Variants in CDC42SE2 observed in about 807,000 individuals in gnomAD.
The protein encoded by CDC42SE2 is CDC42 small effector 2.
A neutral mutation model predicts 11.5 loss-of-function variants in CDC42SE2; 3 were observed. The observed-to-expected ratio is 0.26, with a 90% CI of 0.12 to 0.67. The LOEUF (loss-of-function observed/expected upper bound fraction) is 0.67, where lower values mean the gene tolerates loss of function less well. CDC42SE2 is among the 30% of genes least tolerant of loss of function. CDC42SE2 has a pLI of 0.80. For synonymous variants in CDC42SE2, 33 were observed against 34.8 expected (o/e 0.95, Z 0.18); for missense variants, 82 against 106.8 (o/e 0.77, Z 1.02).
At chr5:131,224,075 C>T in the CDC42SE2 span, among the ~76,000 whole-genome samples, 2 of 152,166 alleles carry the variant, frequency 1.3e-5, no homozygotes, top group Non-Finnish European at 2.9e-5. Context: ...CTGATTTGGC[C>T]TTTACTGTCT....
intron 1 of CDC42SE2, among the ~76,000 whole-genome samples, chr5:131,291,219 G>A (rs1757451774): frequency 6.6e-6 from 1 of 152,044 alleles, no homozygotes; most frequent in African/African-American, 2.4e-5. Flanking sequence ...TATGGTCCAT[G>A]AATTTATGTA....
intron 1 of CDC42SE2, among the ~76,000 whole-genome samples, chr5:131,307,197 C>T (rs937006336): frequency 2.7e-5 from 4 of 148,358 alleles, no homozygotes; most frequent in African/African-American, 1.0e-4. Flanking sequence ...GGTATATCTT[C>T]CAGTGCTATC....
chr5:131,371,284 A>G (rs564207970), intron 3 of CDC42SE2, among the ~76,000 whole-genome samples: 53 of 152,200 alleles, frequency 3.5e-4, no homozygotes, highest in African/African-American at 9.1e-4. Flanking sequence ...TTACAGATAT[A>G]TTTTATTAGC....
chr5:131,306,961 G>A (rs770141028), intron 1 of CDC42SE2, among the ~76,000 whole-genome samples: 4 of 151,716 alleles, frequency 2.6e-5, no homozygotes, highest in Non-Finnish European at 5.9e-5. Context: ...ACTTTACTTC[G>A]TTTATCAGTT....
chr5:131,329,561 G>A (rs1219087792), intron 2 of CDC42SE2, among the ~76,000 whole-genome samples: 3 of 151,972 alleles, frequency 2.0e-5, no homozygotes, highest in Non-Finnish European at 4.4e-5. Flanking sequence ...ATATACACAA[G>A]CTATATGAAA....
chr5:131,368,154 G>A (rs1343769882), intron 3 of CDC42SE2, among the ~76,000 whole-genome samples: 2 of 151,274 alleles, frequency 1.3e-5, no homozygotes, highest in African/African-American at 4.9e-5. Context: ...TCAGGAGGCT[G>A]AGGCAGGAGA....
chr5:131,245,222 C>T (rs143269996), upstream of CDC42SE2, among the ~76,000 whole-genome samples: 12 of 152,286 alleles, frequency 7.9e-5, no homozygotes, highest in South Asian at 4.2e-4. Flanking sequence ...TGGTTATTTT[C>T]GGGTTTTGGT....
At chr5:131,345,649 T>C (rs1375187223) in intron 2 of CDC42SE2, among the ~76,000 whole-genome samples, 12 of 151,996 alleles carry the variant, frequency 7.9e-5, no homozygotes, top group Admixed American at 3.9e-4. Context: ...ATACAGAGAA[T>C]GCCACAAAGA....
chr5:131,284,483 A>G (rs1757301308), intron 1 of CDC42SE2, among the ~76,000 whole-genome samples: 1 of 152,060 alleles, frequency 6.6e-6, no homozygotes, highest in African/African-American at 2.4e-5. Context: ...TAATTTCTTT[A>G]TTTTTAATTT....
chr5:131,302,596 C>T (rs565365979), intron 1 of CDC42SE2, among the ~76,000 whole-genome samples: 1 of 152,028 alleles, frequency 6.6e-6, no homozygotes, highest in Non-Finnish European at 1.5e-5. Flanking sequence ...GATTACAGGC[C>T]TGAGCCACCG....
chr5:131,383,788 AGAGTT>A (rs1400813890), intron 3 of CDC42SE2, among the ~76,000 whole-genome samples: 8 of 152,242 alleles, frequency 5.3e-5, no homozygotes, highest in Non-Finnish European at 7.3e-5. Flanking sequence ...CTACAATAGC[AGAGTT>A]GAGTCAAAGC....
At chr5:131,308,332 GT>G (rs1405950618) in intron 1 of CDC42SE2, among the ~76,000 whole-genome samples, 48 of 152,112 alleles carry the variant, frequency 3.2e-4, no homozygotes, top group African/African-American at 1.1e-3. Flanking sequence ...GTACCATGCT[GT>G]TTTGGTTACT....
intron 1 of CDC42SE2, among the ~76,000 whole-genome samples, chr5:131,279,859 G>GT (rs1447298959): frequency 1.3e-5 from 2 of 152,178 alleles, no homozygotes; most frequent in Non-Finnish European, 2.9e-5. Flanking sequence ...GATTGCTTGA[G>GT]TACAGGAGTT....
At chr5:131,225,355 A>G in the CDC42SE2 span, among the ~76,000 whole-genome samples, 1,639 of 152,354 alleles carry the variant, frequency 0.011, 34 homozygotes, top group African/African-American at 0.037. Context: ...CCAGGGAGTT[A>G]TAGGGACATT....
intron 1 of CDC42SE2, among the ~76,000 whole-genome samples, chr5:131,304,548 A>G (rs879663772): frequency 6.6e-6 from 1 of 152,166 alleles, no homozygotes; most frequent in Non-Finnish European, 1.5e-5. Context: ...TTTGGTCAAC[A>G]ATGAAATGAC....
the CDC42SE2 span, among the ~76,000 whole-genome samples, chr5:131,224,626 C>G: frequency 6.6e-6 from 1 of 152,102 alleles, no homozygotes; most frequent in Non-Finnish European, 1.5e-5. Context: ...ACTCCATAGT[C>G]CATTCTCAAA....
chr5:131,295,168 A>G (rs949387906), intron 1 of CDC42SE2, among the ~76,000 whole-genome samples: 6 of 151,574 alleles, frequency 4.0e-5, no homozygotes, highest in Non-Finnish European at 7.4e-5. Context: ...CTGTAATCCT[A>G]GCTACTTGGG....
At chr5:131,253,032 A>C (rs185264320) in intron 1 of CDC42SE2, 1 of 152,236 alleles carries the variant, frequency 6.6e-6, no homozygotes, top group African/African-American at 2.4e-5. Context: ...TTCTTGATTC[A>C]GCAGCTTCCT....
chr5:131,232,520 A>T, the CDC42SE2 span, among the ~76,000 whole-genome samples: 1 of 151,790 alleles, frequency 6.6e-6, no homozygotes, highest in Non-Finnish European at 1.5e-5. Flanking sequence ...ATTACCTAAG[A>T]TCAGGGATTT....
Sources: gnomAD v4.1 joint callset for allele counts (sites outside exome capture counted in the v4.1 genomes callset) on GRCh38, gnomAD v4.1.1 for gene constraint, MANE v1.5 for transcripts, NCBI Gene and HGNC (gene_info 2026-07-23, HGNC 2026-07-21) for gene names.